EGFR: variants seen among roughly 807,000 people sequenced by gnomAD.
EGFR encodes the protein avian erythroblastic leukemia viral (v-erb-b) oncogene homolog.
Under a neutral mutation model 143.0 loss-of-function variants are expected in EGFR, and 58 were observed. The observed-to-expected ratio is 0.41, with a 90% confidence interval of 0.33 to 0.50. EGFR has a LOEUF of 0.50. Ranked by LOEUF, EGFR falls within the 20% of genes least tolerant of loss-of-function variation. EGFR has a pLI of 0.39. For missense variants in EGFR, 1,307 were observed against 1,579.0 expected, an observed-to-expected ratio of 0.83 and a Z score of 2.92; for synonymous variants, 613 against 594.4, an observed-to-expected ratio of 1.03 and a Z score of -0.45.
At chr7:55,176,348 AAT>A (rs1488149596) in intron 19 of EGFR, among the ~76,000 whole-genome samples, 1 of 152,206 alleles carries the variant, frequency 6.6e-6, no homozygotes, top group African/African-American at 2.4e-5. Flanking sequence ...AATTGGAGGA[AAT>A]ATGCTTCTGT....
intron 1 of EGFR, among the ~76,000 whole-genome samples, chr7:55,119,880 G>T (rs965368152): frequency 2.4e-4 from 36 of 152,224 alleles, no homozygotes; most frequent in African/African-American, 8.4e-4. Context: ...CATCCCTGGA[G>T]TGTGTTAGAG....
intron 1 of EGFR, among the ~76,000 whole-genome samples, chr7:55,041,522 A>ACCAG (rs1787900826): frequency 6.6e-6 from 1 of 152,228 alleles, no homozygotes; most frequent in Non-Finnish European, 1.5e-5. Context: ...AGATAAATAC[A>ACCAG]TTGACTGCAT....
At chr7:55,156,724 T>A (rs750162561) in intron 9 of EGFR, 35 bp from the exon 10 acceptor site, 1 of 1,614,068 alleles carries the variant, frequency 6.2e-7, no homozygotes, top group East Asian at 2.2e-5. Context: ...CTGGTAGAGA[T>A]TGGTGATCAA....
At chr7:55,174,573 CA>C in intron 18 of EGFR, 148 bp from the exon 19 acceptor site, 1 of 721,610 alleles carries the variant, frequency 1.4e-6, no homozygotes, top group South Asian at 1.5e-5. Context: ...TCACAGCCCC[CA>C]GCAATATCAG....
At chr7:55,088,271 T>C (rs552355275) in intron 1 of EGFR, among the ~76,000 whole-genome samples, 2 of 152,294 alleles carry the variant, frequency 1.3e-5, no homozygotes, top group Non-Finnish European at 2.9e-5. Flanking sequence ...TAGGAGCGGA[T>C]GGGGGAGGCC....
chr7:55,051,479 C>T lies in EGFR; in HGVS notation c.88+32114C>T, dbSNP rs140819431. Among the ~76,000 whole-genome samples the T allele has an allele frequency of 7.7e-4, 114 of 147,928 alleles. 1 individual carries two copies. Among genetic ancestry groups the T allele is most frequent in the African/African-American group, 2.7e-3 (111 of 41,350 alleles). On this transcript the variant is annotated intron_variant, in intron 1 of 27. Transcript: ENST00000275493. ...CCTCTTGCTTGCTGGCTACCATGCT[C>T]TCTTGCTTTTCTGCCTTCTGCCGTG...
At chr7:55,120,713 C>A (rs1793150433) in intron 1 of EGFR, among the ~76,000 whole-genome samples, 1 of 152,182 alleles carries the variant, frequency 6.6e-6, no homozygotes, top group East Asian at 1.9e-4. Context: ...ATTAGCTCTC[C>A]TGGGAACGTT....
chr7:55,084,462 T>A (rs1206520402), intron 1 of EGFR, among the ~76,000 whole-genome samples: 1 of 152,228 alleles, frequency 6.6e-6, no homozygotes, highest in Non-Finnish European at 1.5e-5. Flanking sequence ...TCATTTTGTA[T>A]TAAATCAAAA....
intron 1 of EGFR, among the ~76,000 whole-genome samples, chr7:55,139,233 C>A (rs1794323089): frequency 6.6e-6 from 1 of 152,132 alleles, no homozygotes; most frequent in Non-Finnish European, 1.5e-5. Context: ...CAAGGTCACC[C>A]AATGAGGAAG....
intron 1 of EGFR, among the ~76,000 whole-genome samples, chr7:55,063,203 C>T (rs994542384): frequency 1.3e-5 from 2 of 152,156 alleles, no homozygotes; most frequent in Non-Finnish European, 1.5e-5. Context: ...CAAGAACGAC[C>T]GACCTCATTA....
intron 1 of EGFR, among the ~76,000 whole-genome samples, chr7:55,111,927 A>T (rs766498009): frequency 3.9e-5 from 6 of 152,166 alleles, no homozygotes; most frequent in Non-Finnish European, 7.4e-5. Context: ...AGCAGTCACC[A>T]CCTGACGGAT....
At chr7:55,068,987 C>G (rs917417080) in intron 1 of EGFR, among the ~76,000 whole-genome samples, 2 of 152,136 alleles carry the variant, frequency 1.3e-5, no homozygotes, top group Non-Finnish European at 2.9e-5. Context: ...TGCAGGGACA[C>G]TTTGGGAACA....
At chr7:55,169,081 A>G (rs845550) in intron 15 of EGFR, among the ~76,000 whole-genome samples, 136,296 of 151,100 alleles carry the variant, frequency 0.9, 61,559 homozygotes, top group East Asian at 1. Flanking sequence ...GAGGGGGAGG[A>G]ACCCTGGAGG....
At chr7:55,126,694 G>A (rs951714936) in intron 1 of EGFR, among the ~76,000 whole-genome samples, 1 of 152,198 alleles carries the variant, frequency 6.6e-6, no homozygotes, top group Non-Finnish European at 1.5e-5. Flanking sequence ...ATTCTAGTGG[G>A]ATTGAATCTC....
chr7:55,087,629 G>A (rs1192931193), intron 1 of EGFR, among the ~76,000 whole-genome samples: 1 of 152,146 alleles, frequency 6.6e-6, no homozygotes, highest in Admixed American at 6.5e-5. Context: ...TAAGAGAGTC[G>A]GCATTTTCTT....
At chr7:55,078,680 C>A (rs1386658645) in intron 1 of EGFR, among the ~76,000 whole-genome samples, 1 of 152,228 alleles carries the variant, frequency 6.6e-6, no homozygotes, top group East Asian at 1.9e-4. Context: ...AGGGCCCAGT[C>A]GCTTTGGTGA....
At chr7:55,072,447 A>G (rs923475611) in intron 1 of EGFR, among the ~76,000 whole-genome samples, 5 of 152,210 alleles carry the variant, frequency 3.3e-5, no homozygotes, top group African/African-American at 7.2e-5. Context: ...GGTGGGCACC[A>G]TGGAGCTGTC....
rs546897915 is a variant in EGFR at position 55,141,817 on chromosome 7, A to C, written c.89-469A>C. ...TTGAGAAGTAAAAAGTTCATTATAT[A>C]GTTATTAACTCAACCCTACAGTTAT... On this transcript the variant is annotated intron_variant, in intron 1 of 27. Coordinates refer to ENST00000275493, the MANE Select transcript of EGFR (RefSeq NM_005228.5). Among the ~76,000 whole-genome samples the C allele has an allele frequency of 4.6e-5, 7 of 152,340 alleles. No individual in the cohort carries two copies. The South Asian group carries it at 1.2e-3, about 27-fold the overall frequency.
chr7:55,172,977 T>A lies in EGFR; in HGVS notation c.1920-6T>A, dbSNP rs1397206925. ...CACCCTTCCTTGTTCCTCCACCTCATTCCAGGCCTAAGATCCCGTCCATCG... is the reference window on the plus strand; with the variant it reads ...CACCCTTCCTTGTTCCTCCACCTCAATCCAGGCCTAAGATCCCGTCCATCG... On this transcript the variant is annotated splice_region_variant and splice_polypyrimidine_tract_variant and intron_variant, in intron 16 of 27. Transcript: ENST00000275493. The A allele has an allele frequency of 6.2e-7, 1 of 1,614,206 alleles. No homozygotes were observed. Among genetic ancestry groups the A allele is most frequent in the South Asian group, 1.1e-5 (1 of 91,090 alleles).
Sources: gnomAD v4.1 joint callset for allele counts (sites outside exome capture counted in the v4.1 genomes callset) on GRCh38, gnomAD v4.1.1 for gene constraint, MANE v1.5 for transcripts, NCBI Gene and HGNC (gene_info 2026-07-23, HGNC 2026-07-21) for gene names.